PIKFYVE: variants seen among roughly 807,000 people sequenced by gnomAD.
PIKFYVE encodes 1-phosphatidylinositol 3-phosphate 5-kinase.
Under a neutral mutation model 257.9 loss-of-function variants are expected in PIKFYVE, and 122 were observed. The observed-to-expected ratio is 0.47, with a 90% confidence interval of 0.41 to 0.55. The LOEUF (loss-of-function observed/expected upper bound fraction) is 0.55. Ranked by LOEUF, PIKFYVE falls within the 20% of genes least tolerant of loss-of-function variation. The pLI, the probability that PIKFYVE is intolerant of heterozygous loss-of-function variation, is 0.00. For missense variants in PIKFYVE, 2,160 were observed against 2,536.6 expected (o/e 0.85, Z 3.19); for synonymous variants, 892 against 868.9 (o/e 1.03, Z -0.47).
chr2:208,286,353 T>G (rs989234574), intron 6 of PIKFYVE, among the ~76,000 whole-genome samples: 2 of 152,196 alleles, frequency 1.3e-5, no homozygotes, highest in African/African-American at 4.8e-5. Context: ...TATTTCCAAG[T>G]GAAATTAGAT....
rs969590568 is a variant in PIKFYVE, at chr2:208,304,277, A to G, written c.1427A>G (p.Asp476Gly). 6.2e-7 allele frequency: 1 copy of G among 1,614,210 alleles called. No homozygotes were observed. The highest frequency in any genetic ancestry group is 8.5e-7 in the Non-Finnish European group (1 of 1,180,014). The change falls in exon 11 of 42, where the codon GAC (aspartate) becomes GGC (glycine). Residue 476 changes from aspartate to glycine, a missense_variant. Transcript: ENST00000264380. Reference protein sequence around the residue: ...WFKDIKFDDSDTEQIAEEGDD... With the variant: ...WFKDIKFDDSGTEQIAEEGDD... Reference sequence around the variant, plus strand: ...AAAGACATAAAGTTTGATGACAGTGACACAGAACAGATAGCTGAAGAAGGT... The same window carrying G: ...AAAGACATAAAGTTTGATGACAGTGGCACAGAACAGATAGCTGAAGAAGGT...
At position 208,276,732 on chromosome 2, in the gene PIKFYVE, C is replaced by T; in HGVS notation, c.343C>T (p.Pro115Ser). The change falls in exon 4 of 42, where the codon CCT becomes TCT. Residue 115 changes from proline to serine, a missense_variant. Transcript: ENST00000264380. ...SALDTRRKAE[P>S]TFGGHDPRTA... ...CTCAGACACAAGAAGGAAAGCAGAA[C>T]CTACCTTTGGAGGTCATGACCCTCG... 1 of 1,613,566 alleles carries T rather than the reference C, an allele frequency of 6.2e-7. No homozygotes were observed. The highest frequency in any genetic ancestry group is 1.1e-5 in the South Asian group (1 of 91,072).
rs773050312 is a variant in PIKFYVE, at chr2:208,288,806, C to T, written c.899C>T (p.Pro300Leu). 7 of 1,613,910 alleles carry T rather than the reference C, an allele frequency of 4.3e-6. No homozygotes were observed. The highest frequency in any genetic ancestry group is 5.9e-6 in the Non-Finnish European group (7 of 1,179,978). Residue 300 changes from proline (P) to leucine (L), a missense_variant, in exon 7 of 42, where the codon CCT becomes CTT. Physicochemically the swap from Pro to Leu is moderately conservative, Grantham distance 98. Transcript: ENST00000264380. Reference protein sequence around the residue: ...VSVQEDAGKSPARNRSASITN... With the variant: ...VSVQEDAGKSLARNRSASITN... ...GTGCAAGAGGATGCTGGGAAATCTC[C>T]TGCTCGAAATAGGTAAACTGACAAA... is the stretch of plus-strand genomic sequence containing the variant.
chr2:208,266,166 G>T (rs1688591596), upstream of PIKFYVE: 1 of 152,346 alleles, frequency 6.6e-6, no homozygotes, highest in Non-Finnish European at 1.5e-5. Context: ...TGATCCGAGC[G>T]TCGGCCGGGC....
intron 24 of PIKFYVE, among the ~76,000 whole-genome samples, chr2:208,334,992 G>A (rs1328670899): frequency 6.6e-6 from 1 of 152,176 alleles, no homozygotes; most frequent in Non-Finnish European, 1.5e-5. Flanking sequence ...ACAATTAGGT[G>A]TAGGTATTTT....
At chr2:208,340,203 A>G (rs1334419179) in intron 31 of PIKFYVE, 72 bp downstream of exon 31, 5 of 1,554,526 alleles carry the variant, frequency 3.2e-6, no homozygotes, top group South Asian at 1.1e-5. Context: ...TCATATTTAA[A>G]TATATTTATC....
chr2:208,304,905 G>T lies in PIKFYVE; in HGVS notation c.1528G>T (p.Asp510Tyr). 6.2e-7 allele frequency: 1 copy of T among 1,614,146 alleles called. No individual in the cohort carries two copies. The highest frequency in any genetic ancestry group is 8.5e-7 in the Non-Finnish European group (1 of 1,180,036). ...VSSFQSTVDS[D>Y]SAASISLNVE... ...CAGTTTCCAGTCCACAGTGGACAGT[G>T]ACTCAGCCGCTTCTATCAGCCTGAA... is the stretch of plus-strand genomic sequence containing the variant. The change falls in exon 12 of 42, where the codon GAC (aspartate) becomes TAC (tyrosine). Residue 510 changes from aspartate to tyrosine, a missense_variant. Around this residue, in one of 12 missense-constraint regions of PIKFYVE, gnomAD observed 346 missense variants for 365.6 expected, o/e 0.95. Coordinates refer to ENST00000264380, the MANE Select transcript of PIKFYVE (RefSeq NM_015040.4).
intron 11 of PIKFYVE, 34 bp from the exon 12 acceptor site, chr2:208,304,811 TC>T (rs1209415489): frequency 1.3e-6 from 2 of 1,595,484 alleles, no homozygotes; most frequent in Non-Finnish European, 1.7e-6. Flanking sequence ...TCCCCTCCTC[TC>T]CCTATATTTC....
At chr2:208,315,008 A>T (rs6736599) in intron 14 of PIKFYVE, among the ~76,000 whole-genome samples, 185 bp from the exon 15 acceptor site, 1 of 152,124 alleles carries the variant, frequency 6.6e-6, no homozygotes, top group Non-Finnish European at 1.5e-5. Context: ...AGATATTCAG[A>T]TTTCATTTAT....
chr2:208,347,831 A>C (rs1291508684), intron 34 of PIKFYVE, 28 bp from the exon 35 acceptor site: 2 of 1,582,734 alleles, frequency 1.3e-6, no homozygotes, highest in Non-Finnish European at 1.7e-6. Flanking sequence ...CCTGTACTTA[A>C]AATTAATATG....
chr2:208,266,757 G>A (rs1688687998), intron 1 of PIKFYVE, among the ~76,000 whole-genome samples: 1 of 152,222 alleles, frequency 6.6e-6, no homozygotes, highest in Non-Finnish European at 1.5e-5. Context: ...TTCCCTCTGA[G>A]TGCATGAGTT....
chr2:208,341,614 C>T lies in PIKFYVE; in HGVS notation c.4932-940C>T, dbSNP rs570074050. ...GGGTGCCAGCATGGTTGGGTTCTGGCAAGGGTCCTCTTTTGGGTTGTAGAT... is the reference window on the plus strand; with the variant it reads ...GGGTGCCAGCATGGTTGGGTTCTGGTAAGGGTCCTCTTTTGGGTTGTAGAT... On this transcript the variant is annotated intron_variant, in intron 31 of 41. Transcript: ENST00000264380. Among the ~76,000 whole-genome samples the T allele has an allele frequency of 2.0e-5, 3 of 152,222 alleles. No individual in the cohort carries two copies. The East Asian group carries it at 5.8e-4, about 29-fold the overall frequency.
chr2:208,273,972 C>A (rs1314250482), intron 3 of PIKFYVE: 1 of 1,586,156 alleles, frequency 6.3e-7, no homozygotes. Flanking sequence ...AGGCAAGGCA[C>A]AGATTTCTTG....
intron 28 of PIKFYVE, among the ~76,000 whole-genome samples, chr2:208,337,409 A>G (rs1055890583): frequency 6.6e-6 from 1 of 152,076 alleles, no homozygotes; most frequent in African/African-American, 2.4e-5. Flanking sequence ...CAAAACCACA[A>G]ATTTATAGAT....
chr2:208,321,477 G>A (rs1696194963), intron 17 of PIKFYVE, among the ~76,000 whole-genome samples: 1 of 151,966 alleles, frequency 6.6e-6, no homozygotes, highest in Non-Finnish European at 1.5e-5. Flanking sequence ...GAATTCAGCT[G>A]TGCTATCAGT....
chr2:208,316,792 T>C (rs1359470119), intron 15 of PIKFYVE, among the ~76,000 whole-genome samples: 2 of 152,162 alleles, frequency 1.3e-5, no homozygotes, highest in African/African-American at 4.8e-5. Flanking sequence ...GAGATATAGA[T>C]CAATGGAACA....
Position 208,347,672 on chromosome 2 carries a change from C to T in PIKFYVE, c.5210-187C>T, listed in dbSNP as rs143629367. 1.4e-3 allele frequency among the ~76,000 whole-genome samples: 215 copies of T among 152,066 alleles called. 6 individuals are homozygous for T. The South Asian group carries it at 0.018, about 13-fold the overall frequency. Reference sequence around the variant, plus strand: ...TTTTGTTAAAAAGGGTGCTTGATTACGCAAAAACAACATGTGAAACAATAA... The same window carrying T: ...TTTTGTTAAAAAGGGTGCTTGATTATGCAAAAACAACATGTGAAACAATAA... On this transcript the variant is annotated intron_variant, in intron 34 of 41. Coordinates refer to ENST00000264380, the MANE Select transcript of PIKFYVE (RefSeq NM_015040.4).
chr2:208,319,686 G>C (rs1462029958), intron 16 of PIKFYVE, among the ~76,000 whole-genome samples: 1 of 152,126 alleles, frequency 6.6e-6, no homozygotes, highest in Admixed American at 6.6e-5. Context: ...TTAAGCACAC[G>C]ATTAGGGTAT....
chr2:208,326,238 G>A lies in PIKFYVE; in HGVS notation c.3427G>A (p.Gly1143Ser). 6.3e-7 allele frequency: 1 copy of A among 1,592,348 alleles called. No homozygotes were observed. Among genetic ancestry groups the A allele is most frequent in the Non-Finnish European group, 8.6e-7 (1 of 1,169,400 alleles). Residue 1143 changes from glycine (G) to serine (S), a missense_variant, in exon 20 of 42, where the codon GGC becomes AGC. By Grantham distance (56) the Gly-to-Ser change is moderately conservative (BLOSUM62 0). Around this residue, in one of 12 missense-constraint regions of PIKFYVE, gnomAD observed 522 missense variants for 514.6 expected, o/e 1.01. Transcript: ENST00000264380. Reference sequence around the variant, plus strand: ...GAGCACTAGAATTGCTGAGCATCTGGGCGATAGCCAGAGCTTGGGTAGAAT... The same window carrying A: ...GAGCACTAGAATTGCTGAGCATCTGAGCGATAGCCAGAGCTTGGGTAGAAT... The part of the protein sequence containing the change: ...LVSTRIAEHL[G>S]DSQSLGRMLA...
Sources: gnomAD v4.1 joint callset for allele counts (sites outside exome capture counted in the v4.1 genomes callset) on GRCh38, gnomAD v4.1.1 for gene constraint, gnomAD v4.1.1 regional missense constraint, MANE v1.5 for transcripts, NCBI Gene and HGNC (gene_info 2026-07-23, HGNC 2026-07-21) for gene names.